ACER1: variants seen among roughly 807,000 people sequenced by gnomAD.
ACER1 encodes alkaline ceramidase 1, also known as CTB-180A7.3.
ACER1 carries 28 observed loss-of-function variants against 24.9 expected under a neutral mutation model. That is an observed-to-expected ratio of 1.13 (90% CI 0.83 to 1.54). The LOEUF is 1.54. Among genes scored for constraint, ACER1 ranks in the 40% most tolerant of loss-of-function variants. The pLI, the probability that ACER1 is intolerant of heterozygous loss-of-function variation, is 0.00. For synonymous variants in ACER1, 132 were observed against 131.4 expected (o/e 1.00, Z -0.03); for missense variants, 352 against 349.3 (o/e 1.01, Z -0.06).
rs994823797 is a variant in ACER1, at chr19:6,333,601, G to A, written c.-50C>T. 1.9e-5 allele frequency: 29 copies of A among 1,497,726 alleles called. No individual in the cohort carries two copies. The highest frequency in any genetic ancestry group is 2.8e-5 in the African/African-American group (2 of 72,028). 92.8% of individuals were successfully genotyped at this position (1,497,726 alleles called of 1,614,324 possible). A position where few individuals can be genotyped will look rare whatever the true frequency, so the allele number is the denominator to read the frequency against. On this transcript the variant is annotated 5_prime_UTR_variant, in exon 1 of 6. Coordinates refer to ENST00000301452, the MANE Select transcript of ACER1 (RefSeq NM_133492.3). ...CGGCTGCGCCCGGCAGAGAGAAGGCGAGCTTGGGAAGGCTGGGCCCTGATG... is the reference window on the plus strand; with the variant it reads ...CGGCTGCGCCCGGCAGAGAGAAGGCAAGCTTGGGAAGGCTGGGCCCTGATG...
chr19:6,347,721 G>A, the ACER1 span, among the ~76,000 whole-genome samples: 5 of 151,782 alleles, frequency 3.3e-5, no homozygotes, highest in African/African-American at 4.8e-5. Flanking sequence ...CTGTAATTCC[G>A]GCTACTCGGG....
At chr19:6,310,096 T>C (rs542986676) in intron 3 of ACER1, among the ~76,000 whole-genome samples, 145 of 148,158 alleles carry the variant, frequency 9.8e-4, no homozygotes, top group Middle Eastern at 3.4e-3. Flanking sequence ...ACCCCATTTC[T>C]TTTTTTTTTG....
intron 4 of ACER1, among the ~76,000 whole-genome samples, chr19:6,307,812 C>T (rs1436189465): frequency 1.4e-5 from 2 of 147,880 alleles, no homozygotes; most frequent in African/African-American, 5.0e-5. Context: ...ATAGGCCGGG[C>T]GTGATGGCTC....
In ACER1 at chr19:6,306,494, T is replaced by G; in HGVS notation, c.*220A>C. The G allele has an allele frequency of 2.0e-6, 1 of 507,932 alleles. No homozygotes were observed. Among genetic ancestry groups the G allele is most frequent in the Non-Finnish European group, 3.5e-6 (1 of 288,546 alleles). 31.5% of individuals were successfully genotyped at this position (507,932 alleles called of 1,614,324 possible). A position where few individuals can be genotyped will look rare whatever the true frequency, so the allele number is the denominator to read the frequency against. ...GATGGGGGGGGTCATGGAGGGGAGA[T>G]GCACGAGACAGCCCCCCACAGTCAC... On this transcript the variant is annotated 3_prime_UTR_variant, in exon 6 of 6. Transcript: ENST00000301452.
the ACER1 span, among the ~76,000 whole-genome samples, chr19:6,359,252 C>CGCTT: frequency 1.7e-4 from 26 of 152,042 alleles, no homozygotes; most frequent in South Asian, 4.2e-4. Context: ...AAGAGTCTAC[C>CGCTT]GCTTACTGCT....
At chr19:6,318,212 G>A (rs112230065) in intron 1 of ACER1, among the ~76,000 whole-genome samples, 2 of 151,792 alleles carry the variant, frequency 1.3e-5, no homozygotes, top group Non-Finnish European at 2.9e-5. Context: ...GCTCACGCCT[G>A]TAATCCCAGC....
At chr19:6,346,035 C>T in the ACER1 span, among the ~76,000 whole-genome samples, 1 of 152,100 alleles carries the variant, frequency 6.6e-6, no homozygotes, top group Non-Finnish European at 1.5e-5. Flanking sequence ...ACCATCACAT[C>T]ATCTTCCAAG....
At chr19:6,357,667 G>A in the ACER1 span, among the ~76,000 whole-genome samples, 689 of 151,820 alleles carry the variant, frequency 4.5e-3, 5 homozygotes, top group African/African-American at 0.016. Context: ...GGAGGTCGAG[G>A]CCCGAGAATC....
intron 2 of ACER1, 28 bp from the exon 3 acceptor site, chr19:6,312,318 G>C (rs1314084387): frequency 2.0e-5 from 33 of 1,613,636 alleles, no homozygotes; most frequent in Non-Finnish European, 2.8e-5. Context: ...GGCGGTCAGT[G>C]GGGTCCGCCA....
At chr19:6,352,217 C>A in the ACER1 span, among the ~76,000 whole-genome samples, 1 of 152,268 alleles carries the variant, frequency 6.6e-6, no homozygotes, top group East Asian at 1.9e-4. Context: ...GAGTCTATTT[C>A]ATCTCCTCTT....
chr19:6,355,405 T>G, the ACER1 span, among the ~76,000 whole-genome samples: 1 of 106,162 alleles, frequency 9.4e-6, no homozygotes, highest in Non-Finnish European at 1.7e-5. Flanking sequence ...CGCGACCCCA[T>G]CTGGGAGGTG....
chr19:6,355,191 C>T, the ACER1 span, among the ~76,000 whole-genome samples: 25 of 152,146 alleles, frequency 1.6e-4, no homozygotes, highest in East Asian at 3.9e-3. Context: ...ACCTCCCAGC[C>T]GCCTGCCTTG....
chr19:6,354,605 C>G, the ACER1 span, among the ~76,000 whole-genome samples: 1 of 152,096 alleles, frequency 6.6e-6, no homozygotes, highest in Non-Finnish European at 1.5e-5. Flanking sequence ...AGATATGTTT[C>G]TCCTTGTGAG....
intron 1 of ACER1, among the ~76,000 whole-genome samples, chr19:6,313,665 A>G (rs929143519): frequency 1.3e-5 from 2 of 152,200 alleles, no homozygotes; most frequent in African/African-American, 4.8e-5. Context: ...GGATGTCATG[A>G]GTTGACCTTG....
chr19:6,309,751 G>C lies in ACER1; in HGVS notation c.434C>G (p.Ala145Gly). ...AATGTGCAGGGCAATGCTGTTGAGG[G>C]CGTAGGCGTTGACCGTGGGCCGCAG... ...SFLRPTVNAY[A>G]LNSIALHILY... Residue 145 changes from alanine (A) to glycine (G), a missense_variant, in exon 4 of 6, where the codon GCC becomes GGC. By Grantham distance (60) the Ala-to-Gly change is moderately conservative. Coordinates refer to ENST00000301452, the MANE Select transcript of ACER1 (RefSeq NM_133492.3). 3 of 1,614,142 alleles carry C rather than the reference G, an allele frequency of 1.9e-6. No individual in the cohort carries two copies. The highest frequency in any genetic ancestry group is 1.6e-4 in the Middle Eastern group (1 of 6,062).
At chr19:6,334,172 G>A (rs1273380143), upstream of ACER1, among the ~76,000 whole-genome samples, 2 of 151,920 alleles carry the variant, frequency 1.3e-5, no homozygotes, top group East Asian at 3.9e-4. Context: ...AGCCTCCCGA[G>A]TAGCTGGGAC....
intron 4 of ACER1, 32 bp downstream of exon 4, chr19:6,309,665 C>T: frequency 6.2e-7 from 1 of 1,613,014 alleles, no homozygotes; most frequent in Admixed American, 1.7e-5. Context: ...GGATGGGAGC[C>T]TCCTGCCCAG....
upstream of ACER1, chr19:6,333,737 C>T (rs2091701399): frequency 3.6e-6 from 2 of 550,416 alleles, no homozygotes; most frequent in South Asian, 4.3e-5. Context: ...TGACAGCAGC[C>T]CTGAGCATAA....
chr19:6,333,390 G>A (rs573692815), intron 1 of ACER1, 69 bp downstream of exon 1: 1 of 1,317,058 alleles, frequency 7.6e-7, no homozygotes, highest in South Asian at 1.4e-5. Context: ...CCCCAGTAAG[G>A]CTGTATGGGG....
Sources: allele counts gnomAD v4.1 joint callset (sites outside exome capture counted in the v4.1 genomes callset), GRCh38; gene constraint gnomAD v4.1.1; transcripts MANE v1.5; gene names NCBI Gene and HGNC (gene_info 2026-07-23, HGNC 2026-07-21).